The following DOCK9 variants were observed in gnomAD, a reference collection of about 807,000 sequenced individuals.
DOCK9 encodes dedicator of cytokinesis protein 9.
Under a neutral mutation model 263.3 loss-of-function variants are expected in DOCK9, and 89 were observed. That is an observed-to-expected ratio of 0.34 (90% CI 0.28 to 0.40). The LOEUF (loss-of-function observed/expected upper bound fraction) is 0.40, where lower values mean the gene tolerates loss of function less well. Among genes scored for constraint, DOCK9 ranks in the 10% least tolerant of loss-of-function variants. DOCK9 has a pLI of 1.00. For synonymous variants in DOCK9, 976 were observed against 973.1 expected (o/e 1.00, Z -0.06); for missense variants, 2,140 against 2,603.4 (o/e 0.82, Z 3.87).
chr13:98,860,856 G>GT (rs1316880691), intron 32 of DOCK9, among the ~76,000 whole-genome samples: 4 of 151,986 alleles, frequency 2.6e-5, no homozygotes, highest in Admixed American at 1.3e-4. Context: ...GTTTTGTTTT[G>GT]TTTTTTTCCT....
Position 98,825,900 on chromosome 13 carries a change from A to G in DOCK9, c.5023+930T>C. 1.3e-6 allele frequency: 2 copies of G among 1,553,300 alleles called. No individual in the cohort carries two copies. Among genetic ancestry groups the G allele is most frequent in the Non-Finnish European group, 1.7e-6 (2 of 1,148,404 alleles). On this transcript the variant is annotated intron_variant, in intron 44 of 52. Coordinates refer to ENST00000682017, the MANE Select transcript of DOCK9 (RefSeq NM_001366683.2). The surrounding 1 kb of genome is among the most constrained non-coding windows in gnomAD (Gnocchi z 4.1). ...CCCGGCTCCTCCTCAGGCAGGCGCT[A>G]TGGCTGTGGGGGAGAAGGGGCGGCT...
At chr13:99,003,429 C>T (rs1882753992) in intron 1 of DOCK9, among the ~76,000 whole-genome samples, 1 of 152,192 alleles carries the variant, frequency 6.6e-6, no homozygotes, top group African/African-American at 2.4e-5. Flanking sequence ...CATCCCCTTC[C>T]ATCCTTCATT....
chr13:99,031,693 C>A (rs1595945448), intron 1 of DOCK9, among the ~76,000 whole-genome samples: 1 of 152,188 alleles, frequency 6.6e-6, no homozygotes, highest in Non-Finnish European at 1.5e-5. Context: ...TCACTACTAT[C>A]CCAGGCCCCC....
rs771034965 is a variant in DOCK9 at position 98,885,828 on chromosome 13, T to C, written c.2140A>G (p.Lys714Glu). 2 of 1,601,380 alleles carry C rather than the reference T, an allele frequency of 1.2e-6. No individual in the cohort carries two copies. Among genetic ancestry groups the C allele is most frequent in the Non-Finnish European group, 1.7e-6 (2 of 1,176,810 alleles). ...HQNPEFYDEI[K>E]IELPTQLHEK... ...TGCAGCTGAGTGGGCAACTCTATTT[T>C]AATCTGCAAGGGAAGACAAAATAAC... Residue 714 changes from lysine (K) to glutamate (E), a missense_variant, in exon 20 of 53, where the codon AAA becomes GAA. Lys to Glu is a moderately conservative substitution (Grantham distance 56, BLOSUM62 1). Around this residue, in one of 2 missense-constraint regions of DOCK9, gnomAD observed 1,521 missense variants for 1,741.7 expected, o/e 0.87. Coordinates refer to ENST00000682017, the MANE Select transcript of DOCK9 (RefSeq NM_001366683.2).
At chr13:98,978,198 T>A, upstream of DOCK9, 2 of 929,286 alleles carry the variant, frequency 2.2e-6, no homozygotes, top group Non-Finnish European at 2.9e-6. Flanking sequence ...ACTGCCTCTC[T>A]GATAAAGACC....
At position 98,915,325 on chromosome 13, in the gene DOCK9, C is replaced by A. The variant is rs1279305155; in HGVS notation, c.892+4G>T. On this transcript the variant is annotated splice_donor_region_variant and intron_variant, in intron 8 of 52. Coordinates refer to ENST00000682017, the MANE Select transcript of DOCK9 (RefSeq NM_001366683.2). ...TGTGCCTGGGGGAAGCCAAGCCTAT[C>A]TACCTTCGTGAGAGTCGCCATTTCG... The A allele has an allele frequency of 6.2e-7, 1 of 1,612,752 alleles. No individual in the cohort carries two copies. Among genetic ancestry groups the A allele is most frequent in the African/African-American group, 1.3e-5 (1 of 74,872 alleles).
intron 1 of DOCK9, among the ~76,000 whole-genome samples, chr13:98,962,610 T>C (rs1458467869): frequency 6.6e-6 from 1 of 150,960 alleles, no homozygotes; most frequent in Non-Finnish European, 1.5e-5. Context: ...TTCATATTAT[T>C]AAATATGTTG....
intron 44 of DOCK9, chr13:98,826,012 G>A: frequency 1.5e-6 from 2 of 1,291,804 alleles, no homozygotes; most frequent in Non-Finnish European, 1.0e-6. Flanking sequence ...AATGAACATG[G>A]AGCCCTTTCA....
chr13:98,903,251 A>C, intron 10 of DOCK9, 139 bp from the exon 11 acceptor site: 1 of 696,166 alleles, frequency 1.4e-6, no homozygotes, highest in Non-Finnish European at 2.2e-6. Flanking sequence ...GCTATTATAT[A>C]ATCGGTTTCT....
intron 52 of DOCK9, among the ~76,000 whole-genome samples, chr13:98,796,792 A>G (rs1395328140): frequency 6.6e-6 from 1 of 152,140 alleles, no homozygotes; most frequent in Non-Finnish European, 1.5e-5. Context: ...AACAGTATGG[A>G]TATTTTCGTG....
chr13:98,986,723 C>G (rs534555326), intron 1 of DOCK9, among the ~76,000 whole-genome samples: 2 of 152,274 alleles, frequency 1.3e-5, no homozygotes, highest in African/African-American at 4.8e-5. Context: ...AAGAGACCGC[C>G]AAGAAATAGA....
At chr13:99,046,065 C>T (rs531358578) in intron 1 of DOCK9, among the ~76,000 whole-genome samples, 18 of 150,216 alleles carry the variant, frequency 1.2e-4, no homozygotes, top group African/African-American at 4.2e-4. Flanking sequence ...TGTGCCACTG[C>T]ACTCCAGCCT....
chr13:99,011,631 C>A (rs1274965708), intron 1 of DOCK9, among the ~76,000 whole-genome samples: 1 of 152,186 alleles, frequency 6.6e-6, no homozygotes, highest in East Asian at 1.9e-4. Flanking sequence ...AGACAATCAC[C>A]TAGGAACTTT....
In DOCK9 at chr13:98,930,163, C is replaced by T; in HGVS notation, c.333+5G>A. The T allele has an allele frequency of 6.2e-7, 1 of 1,606,392 alleles. No individual in the cohort carries two copies. Among genetic ancestry groups the T allele is most frequent in the South Asian group, 1.1e-5 (1 of 89,040 alleles). On this transcript the variant is annotated splice_donor_5th_base_variant and intron_variant, in intron 3 of 52. Transcript: ENST00000682017. The stretch of plus-strand genomic sequence containing the variant: ...AATGTAAATTAATGCAGGAAAGAGC[C>T]TTACCTCTGTAACAAACAAGCTCTG...
rs1234467088 is a variant in DOCK9, at chr13:98,903,047, G to T, written c.1101C>A (p.Ile367=). Reference sequence around the variant, plus strand: ...AAGATAAATCATTGCACTTGACAAGGATCCTTTTTCCAAACTTCTCTTCAA... The same window carrying T: ...AAGATAAATCATTGCACTTGACAAGTATCCTTTTTCCAAACTTCTCTTCAA... ...KSFEEKFGKR[I]LVKCNDLSFN... The change falls in exon 11 of 53, where the codon ATC becomes ATA. Residue 367 remains isoleucine (I), a synonymous_variant. Transcript: ENST00000682017. 5.2e-6 allele frequency: 8 copies of T among 1,538,552 alleles called. No homozygotes were observed. In the East Asian group the frequency reaches 2.0e-4, roughly 38 times the overall value.
At chr13:99,086,161 G>C in intron 1 of DOCK9, 3 of 1,417,402 alleles carry the variant, frequency 2.1e-6, no homozygotes, top group Non-Finnish European at 2.7e-6. Flanking sequence ...CGCCCGGCCC[G>C]GGGCCCGCAG....
chr13:98,831,868 A>G, intron 39 of DOCK9, 82 bp from the exon 40 acceptor site: 1 of 1,513,056 alleles, frequency 6.6e-7, no homozygotes, highest in Non-Finnish European at 8.9e-7. Context: ...CAAGAATTAC[A>G]TTTTCTAAGT....
chr13:98,926,307 C>T (rs552879345), intron 3 of DOCK9, among the ~76,000 whole-genome samples: 1 of 152,290 alleles, frequency 6.6e-6, no homozygotes, highest in Admixed American at 6.5e-5. Context: ...TTAAAGACGC[C>T]TTCATGGTAT....
intron 1 of DOCK9, among the ~76,000 whole-genome samples, chr13:99,046,856 A>T (rs1249066628): frequency 1.3e-5 from 2 of 152,216 alleles, no homozygotes; most frequent in Admixed American, 1.3e-4. Context: ...CCTGCGTTTA[A>T]GGTACAAAGT....
Sources: gnomAD v4.1 joint callset for allele counts (sites outside exome capture counted in the v4.1 genomes callset) on GRCh38, gnomAD v4.1.1 for gene constraint, gnomAD v4.1.1 regional missense constraint, Gnocchi (gnomAD v3.1) non-coding constraint, MANE v1.5 for transcripts, NCBI Gene and HGNC (gene_info 2026-07-23, HGNC 2026-07-21) for gene names.